Variants in NBPF20 observed in about 807,000 individuals in gnomAD.
The protein encoded by NBPF20 is NBPF family member NBPF20.
In NBPF20, 90 loss-of-function variants were observed where a neutral mutation model predicts 68.1. That is an observed-to-expected ratio of 1.32 (90% CI 1.11 to 1.58). The LOEUF (loss-of-function observed/expected upper bound fraction) is 1.58. NBPF20 is among the 40% of genes most tolerant of loss of function. The probability of loss-of-function intolerance (pLI) is 0.00; values close to 1 mark genes in which losing one functional copy is unlikely to be tolerated. For missense variants in NBPF20, 816 were observed against 601.2 expected (o/e 1.36, Z -3.74); for synonymous variants, 290 against 228.1 (o/e 1.27, Z -2.45).
intron 109 of NBPF20, among the ~76,000 whole-genome samples, 174 bp from the exon 115 acceptor site, chr1:145,314,178 A>G (rs1661512324): frequency 7.5e-6 from 1 of 133,338 alleles, no homozygotes. Flanking sequence ...CAAATGGAAA[A>G]GAATGAAAGA....
At chr1:145,400,281 C>G (rs1318379044) in intron 6 of NBPF20, 108 bp downstream of exon 11, 2 of 1,589,204 alleles carry the variant, frequency 1.3e-6, no homozygotes, top group South Asian at 1.1e-5. Context: ...GTTTAGAAAC[C>G]CATCACAGTT....
chr1:145,400,258 G>A, intron 6 of NBPF20, 131 bp downstream of exon 11: 1 of 1,584,674 alleles, frequency 6.3e-7, no homozygotes, highest in Non-Finnish European at 8.6e-7. Context: ...GACAAAAAAA[G>A]TCCCTGATAT....
At chr1:145,410,024 GCAGA>G (rs1662944904), upstream of NBPF20, among the ~76,000 whole-genome samples, 2 of 151,968 alleles carry the variant, frequency 1.3e-5, no homozygotes, top group Admixed American at 1.3e-4. Flanking sequence ...AGATCATTGT[GCAGA>G]CACAGTGTGT....
upstream of NBPF20, among the ~76,000 whole-genome samples, chr1:145,409,798 T>A (rs1215436687): frequency 2.0e-5 from 3 of 151,868 alleles, no homozygotes; most frequent in Non-Finnish European, 4.4e-5. Flanking sequence ...TGTATTTAGA[T>A]GAATGCACAC....
In NBPF20 at chr1:145,400,529, T is replaced by C. The variant is rs1553665043; in HGVS notation, c.632A>G (p.Tyr211Cys). The C allele has an allele frequency of 1.2e-4, 193 of 1,612,820 alleles. 2 individuals carry two copies. Among genetic ancestry groups the C allele is most frequent in the East Asian group, 3.8e-4 (17 of 44,880 alleles). ...GTCATAAGGGCCATGGCTATTTGAA[T>C]AAGTGATGGCACATTCCTCCTGTGA... The change falls in exon 6 of 138, where the codon TAT becomes TGT. Residue 211 changes from tyrosine (Y) to cysteine (C), a missense_variant. Physicochemically the swap from Tyr to Cys is radical, Grantham distance 194. Coordinates refer to ENST00000369373, the Ensembl canonical transcript of NBPF20.
At position 145,405,278 on chromosome 1, in the gene NBPF20, C is replaced by T. The variant is rs868994243; in HGVS notation, c.-6G>A. The T allele has an allele frequency of 2.8e-3, 4,546 of 1,606,072 alleles. 95 individuals are homozygous for T. The African/African-American group carries it at 0.05, about 18-fold the overall frequency. ...GGGCCGGCTGATACCACCATGCTGA[C>T]GTTTGTGGCAGAAGAGGTGGAGTCA... On this transcript the variant is annotated 5_prime_UTR_variant, in exon 2 of 138. Transcript: ENST00000369373.
intron 6 of NBPF20, among the ~76,000 whole-genome samples, chr1:145,399,516 T>G (rs1662412621): frequency 6.7e-6 from 1 of 148,156 alleles, no homozygotes; most frequent in Admixed American, 6.8e-5. Context: ...ACTCTTGCTT[T>G]AAAAAGAATC....
exon 8 of NBPF20, chr1:145,395,006 C>T (rs2101542675): frequency 6.2e-7 from 1 of 1,611,864 alleles, no homozygotes; most frequent in Non-Finnish European, 8.5e-7. Context: ...TGCAGACTTG[C>T]TGTTCCTCTA....
In NBPF20 at chr1:145,291,425, T is replaced by C. The variant is rs1241704668; in HGVS notation, c.*101A>G. On this transcript the variant is annotated 3_prime_UTR_variant, in exon 138 of 138. Coordinates refer to ENST00000369373, the Ensembl canonical transcript of NBPF20. ...TACAGCCATGCCCACTGACCCATCC[T>C]ATGTCTGGGCTTCCAAATGGAACTG... is the stretch of plus-strand genomic sequence containing the variant. The C allele has an allele frequency of 6.2e-6, 10 of 1,609,070 alleles. No individual in the cohort carries two copies. The Admixed American group carries it at 8.4e-5, about 13-fold the overall frequency.
chr1:145,409,460 T>C (rs1254057442), upstream of NBPF20, among the ~76,000 whole-genome samples: 1 of 150,554 alleles, frequency 6.6e-6, no homozygotes, highest in East Asian at 1.9e-4. Flanking sequence ...AGTGCCCTTA[T>C]ACAAAGGCTG....
At chr1:145,425,592 G>A in the NBPF20 span, among the ~76,000 whole-genome samples, 8 of 152,330 alleles carry the variant, frequency 5.3e-5, no homozygotes, top group African/African-American at 1.9e-4. Context: ...TCAGGGTCTC[G>A]CCGGGCGCGT....
chr1:145,291,661 C>A (rs782237451), exon 138 of NBPF20: 6 of 1,611,798 alleles, frequency 3.7e-6, no homozygotes, highest in East Asian at 4.5e-5. Flanking sequence ...TTCTGTAGTG[C>A]TGGAATGAGT....
At position 145,401,132 on chromosome 1, in the gene NBPF20, C is replaced by T; in HGVS notation, c.494-1G>A. On this transcript the variant is annotated splice_acceptor_variant, in intron 4 of 137. Coordinates refer to ENST00000369373, the Ensembl canonical transcript of NBPF20. LOFTEE classifies it high-confidence loss of function. ...TCTTCATCGTCATCGTTGTCATTTT[C>T]TGTAAATACAGAAGTGTTCGTTCAG... 1 of 1,604,500 alleles carries T rather than the reference C, an allele frequency of 6.2e-7. No individual in the cohort carries two copies. The highest frequency in any genetic ancestry group is 8.5e-7 in the Non-Finnish European group (1 of 1,179,614).
In NBPF20 at chr1:145,292,595, G is replaced by C. The variant is rs587595112; in HGVS notation, c.16589-106C>G. Reference sequence around the variant, plus strand: ...AGGGACCTCAGGCTCCCCAGCATAAGAATAGGACACTTTGAGAGATATATT... The same window carrying C: ...AGGGACCTCAGGCTCCCCAGCATAACAATAGGACACTTTGAGAGATATATT... On this transcript the variant is annotated intron_variant, in intron 136 of 137. Coordinates refer to ENST00000369373, the Ensembl canonical transcript of NBPF20. 316 of 747,100 alleles carry C rather than the reference G, an allele frequency of 4.2e-4. 5 individuals carry two copies. Among genetic ancestry groups the C allele is most frequent in the South Asian group, 4.0e-3 (295 of 73,124 alleles). 46.3% of individuals were successfully genotyped at this position (747,100 alleles called of 1,614,324 possible). A position where few individuals can be genotyped will look rare whatever the true frequency, so the allele number is the denominator to read the frequency against.
At chr1:145,407,618 G>A (rs1471343231), upstream of NBPF20, among the ~76,000 whole-genome samples, 17 of 148,864 alleles carry the variant, frequency 1.1e-4, no homozygotes, top group African/African-American at 3.0e-4. Flanking sequence ...TTTAAGTGGC[G>A]GAGCGAGGGC....
intron 9 of NBPF20, 53 bp from the exon 15 acceptor site, chr1:145,393,299 C>G (rs1236735079): frequency 2.6e-4 from 171 of 670,528 alleles, no homozygotes; most frequent in Admixed American, 4.6e-4. Flanking sequence ...AGAAACCACA[C>G]AGCCCCAGCT....
the NBPF20 span, among the ~76,000 whole-genome samples, chr1:145,422,824 C>T: frequency 2.6e-5 from 4 of 151,528 alleles, no homozygotes; most frequent in Admixed American, 1.3e-4. Flanking sequence ...CCCATCTCTA[C>T]AAAAAATATG....
intron 3 of NBPF20, 65 bp downstream of exon 8, chr1:145,403,151 C>G (rs1553665879): frequency 4.4e-6 from 7 of 1,593,970 alleles, no homozygotes; most frequent in Non-Finnish European, 6.0e-6. Context: ...GTCTCCCCAC[C>G]GAGCTGCTGT....
exon 138 of NBPF20, chr1:145,290,276 T>A (rs587719981): frequency 6.7e-6 from 1 of 149,170 alleles, no homozygotes; most frequent in Non-Finnish European, 1.5e-5. Context: ...AAGTACTTCT[T>A]CATTATAAGT....
Sources: allele counts gnomAD v4.1 joint callset (sites outside exome capture counted in the v4.1 genomes callset), GRCh38; gene constraint gnomAD v4.1.1; transcripts MANE v1.5; gene names NCBI Gene and HGNC (gene_info 2026-07-23, HGNC 2026-07-21).